TRAPPC9: variants seen among roughly 807,000 people sequenced by gnomAD.
TRAPPC9 encodes the protein IKK2 binding protein.
In TRAPPC9, 83 loss-of-function variants were observed where a neutral mutation model predicts 124.0. That is an observed-to-expected ratio of 0.67 (90% confidence interval 0.56 to 0.80). The LOEUF (loss-of-function observed/expected upper bound fraction) is 0.80. Among genes scored for constraint, TRAPPC9 ranks in the 30% least tolerant of loss-of-function variants. The pLI, the probability that TRAPPC9 is intolerant of heterozygous loss-of-function variation, is 0.00. For missense variants in TRAPPC9, 1,302 were observed against 1,508.3 expected (o/e 0.86, Z 2.27); for synonymous variants, 638 against 617.5 (o/e 1.03, Z -0.49).
chr8:140,203,666 G>A (rs772515824), intron 17 of TRAPPC9, among the ~76,000 whole-genome samples: 7 of 152,192 alleles, frequency 4.6e-5, no homozygotes, highest in African/African-American at 7.2e-5. Flanking sequence ...GGTAAATTCC[G>A]CAGAAGAGAC....
chr8:140,373,464 C>G (rs935987654), intron 7 of TRAPPC9, among the ~76,000 whole-genome samples: 2 of 152,194 alleles, frequency 1.3e-5, no homozygotes, highest in African/African-American at 4.8e-5. Context: ...TGCCCTTCAG[C>G]GGGAAGCTGC....
At chr8:140,151,536 T>G (rs759147931) in intron 17 of TRAPPC9, among the ~76,000 whole-genome samples, 3 of 152,140 alleles carry the variant, frequency 2.0e-5, no homozygotes, top group Non-Finnish European at 4.4e-5. Context: ...GCCCTCCCTG[T>G]ACGTGAGCCT....
At chr8:140,202,990 A>G (rs1018454520) in intron 17 of TRAPPC9, among the ~76,000 whole-genome samples, 2 of 152,262 alleles carry the variant, frequency 1.3e-5, no homozygotes, top group Non-Finnish European at 2.9e-5. Flanking sequence ...CTCTTCAACA[A>G]GCGTCCAAAA....
At chr8:139,734,421 A>G (rs1276795018) in intron 21 of TRAPPC9, among the ~76,000 whole-genome samples, 1 of 152,248 alleles carries the variant, frequency 6.6e-6, no homozygotes, top group Non-Finnish European at 1.5e-5. Context: ...TTTCCAGTGT[A>G]AGTGACTGAT....
At position 140,221,474 on chromosome 8, in the gene TRAPPC9, G is replaced by A. The variant is rs2063336226; in HGVS notation, c.2541C>T (p.Asp847=). ...ACCAACTCACCTTCACGTGGCTGTA[G>A]TCGCCTGCTTTGTTGCTCTCGGGTG... ...VNPPESNKAG[D]YSHVKTLEAV... Residue 847 remains aspartate (D), a synonymous_variant, in exon 17 of 23, where the codon GAC becomes GAT. Transcript: ENST00000438773. 6.2e-7 allele frequency: 1 copy of A among 1,613,990 alleles called. No homozygotes were observed. The highest frequency in any genetic ancestry group is 8.5e-7 in the Non-Finnish European group (1 of 1,180,018).
At chr8:140,127,583 C>A (rs373680678) in intron 17 of TRAPPC9, among the ~76,000 whole-genome samples, 1 of 152,178 alleles carries the variant, frequency 6.6e-6, no homozygotes, top group Admixed American at 6.5e-5. Context: ...ATCTCTTGGC[C>A]TCCTTGATTT....
chr8:140,229,608 G>A (rs760750643), intron 16 of TRAPPC9, among the ~76,000 whole-genome samples: 28 of 151,492 alleles, frequency 1.8e-4, no homozygotes, highest in African/African-American at 4.6e-4. Flanking sequence ...TTACTCTGTC[G>A]CTGAGGCTGG....
At chr8:140,339,090 G>T (rs927412745) in intron 9 of TRAPPC9, among the ~76,000 whole-genome samples, 53 of 149,378 alleles carry the variant, frequency 3.5e-4, no homozygotes, top group African/African-American at 1.2e-3. Flanking sequence ...CAGGCCGACG[G>T]GAAACGGCTC....
chr8:139,876,091 G>A (rs1056325072), intron 21 of TRAPPC9, among the ~76,000 whole-genome samples: 1 of 152,228 alleles, frequency 6.6e-6, no homozygotes, highest in Non-Finnish European at 1.5e-5. Context: ...CATTCTACAT[G>A]AATTTCATGT....
intron 11 of TRAPPC9, among the ~76,000 whole-genome samples, chr8:140,292,062 T>C (rs74606674): frequency 0.12 from 17,727 of 152,228 alleles, 1,410 homozygotes; most frequent in African/African-American, 0.22. Context: ...TTTGTGTTGT[T>C]TGAAGCCACT....
In TRAPPC9 at chr8:140,252,299, T is replaced by C. The variant is rs1208289592; in HGVS notation, c.2431+478A>G. Among the ~76,000 whole-genome samples, 1 of 152,174 alleles carries C rather than the reference T, an allele frequency of 6.6e-6. No individual in the cohort carries two copies. Among genetic ancestry groups the C allele is most frequent in the Non-Finnish European group, 1.5e-5 (1 of 68,030 alleles). ...CCCTGGCCTCCCAGAGTGCTGAGAT[T>C]ATAGGTGTGAGCCATCACACCCAGC... On this transcript the variant is annotated intron_variant, in intron 16 of 22. Transcript: ENST00000438773. This position sits in a 1 kb window ranked among gnomAD's most constrained non-coding sequence, Gnocchi z 4.2.
At chr8:140,271,262 G>C (rs541132329) in intron 15 of TRAPPC9, among the ~76,000 whole-genome samples, 3 of 152,294 alleles carry the variant, frequency 2.0e-5, no homozygotes, top group Non-Finnish European at 1.5e-5. Flanking sequence ...GGGTAGGAAA[G>C]CATGAAATTA....
chr8:140,090,710 G>A (rs1844511310), intron 17 of TRAPPC9, among the ~76,000 whole-genome samples: 1 of 152,256 alleles, frequency 6.6e-6, no homozygotes, highest in Non-Finnish European at 1.5e-5. Flanking sequence ...CAAAGTACAT[G>A]AGCCCATCCC....
intron 5 of TRAPPC9, among the ~76,000 whole-genome samples, chr8:140,425,506 G>A (rs768226407): frequency 3.0e-4 from 46 of 152,170 alleles, no homozygotes; most frequent in Middle Eastern, 3.4e-3. Context: ...GAAAAGCGTC[G>A]GAAATCTTTT....
intron 5 of TRAPPC9, among the ~76,000 whole-genome samples, chr8:140,411,646 C>T (rs945059033): frequency 3.3e-5 from 5 of 152,044 alleles, no homozygotes; most frequent in African/African-American, 7.2e-5. Flanking sequence ...CCGGCCTGAA[C>T]CTAAAATATC....
Position 139,817,885 on chromosome 8 carries a change from C to G in TRAPPC9, c.3055+67994G>C, listed in dbSNP as rs148346284. Among the ~76,000 whole-genome samples, 1,210 of 152,284 alleles carry G rather than the reference C, an allele frequency of 7.9e-3. 6 individuals carry two copies. The highest frequency in any genetic ancestry group is 0.014 in the Middle Eastern group (4 of 294). On this transcript the variant is annotated intron_variant, in intron 21 of 22. Coordinates refer to ENST00000438773, the MANE Select transcript of TRAPPC9 (RefSeq NM_001160372.4). Reference sequence around the variant, plus strand: ...CCTGCACTCTTGGGTCAGGGAGAGACTTGCTTACTCATGTCTTACAAAGCC... The same window carrying G: ...CCTGCACTCTTGGGTCAGGGAGAGAGTTGCTTACTCATGTCTTACAAAGCC...
chr8:140,135,526 G>A (rs1244664783), intron 17 of TRAPPC9, among the ~76,000 whole-genome samples: 1 of 152,178 alleles, frequency 6.6e-6, no homozygotes, highest in East Asian at 1.9e-4. Context: ...GGTGAAATAA[G>A]CCAGGCACAA....
chr8:140,301,295 A>G (rs766247944), intron 10 of TRAPPC9, among the ~76,000 whole-genome samples: 4 of 152,254 alleles, frequency 2.6e-5, no homozygotes, highest in African/African-American at 4.8e-5. Context: ...TCATCCAGCT[A>G]GCATTAAGAT....
intron 11 of TRAPPC9, among the ~76,000 whole-genome samples, chr8:140,298,463 G>A (rs1270033034): frequency 1.3e-5 from 2 of 152,070 alleles, no homozygotes; most frequent in Non-Finnish European, 2.9e-5. Flanking sequence ...GACCAGCCTG[G>A]GCAACATGGC....
Sources: allele counts gnomAD v4.1 joint callset (sites outside exome capture counted in the v4.1 genomes callset), GRCh38; gene constraint gnomAD v4.1.1; non-coding constraint Gnocchi (gnomAD v3.1); transcripts MANE v1.5; gene names NCBI Gene and HGNC (gene_info 2026-07-23, HGNC 2026-07-21).